GTF2E2: variants seen among roughly 807,000 people sequenced by gnomAD.
The protein encoded by GTF2E2 is transcription initiation factor IIE subunit beta.
A neutral mutation model predicts 40.5 loss-of-function variants in GTF2E2; 21 were observed. The observed-to-expected ratio is 0.52, with a 90% CI of 0.37 to 0.75. The LOEUF (loss-of-function observed/expected upper bound fraction) is 0.75, where lower values mean the gene tolerates loss of function less well. Among genes scored for constraint, GTF2E2 ranks in the 30% least tolerant of loss-of-function variants. The probability of loss-of-function intolerance (pLI) is 0.00; values close to 1 mark genes in which losing one functional copy is unlikely to be tolerated. For synonymous variants in GTF2E2, 117 were observed against 121.6 expected, an observed-to-expected ratio of 0.96 and a Z score of 0.25; for missense variants, 298 against 338.4, an observed-to-expected ratio of 0.88 and a Z score of 0.94.
At chr8:30,613,370 T>A (rs944650205) in intron 4 of GTF2E2, among the ~76,000 whole-genome samples, 22 of 152,228 alleles carry the variant, frequency 1.4e-4, no homozygotes, top group African/African-American at 5.3e-4. Flanking sequence ...AATGCAGGAA[T>A]TACTGAATAT....
intron 2 of GTF2E2, chr8:30,644,504 A>T (rs530888292): frequency 6.6e-6 from 1 of 152,108 alleles, no homozygotes; most frequent in Non-Finnish European, 1.5e-5. Flanking sequence ...ACTATTTCTG[A>T]TTCAGATCAC....
chr8:30,596,414 A>G (rs750009528), intron 6 of GTF2E2, among the ~76,000 whole-genome samples: 5 of 152,034 alleles, frequency 3.3e-5, no homozygotes, highest in Admixed American at 6.6e-5. Flanking sequence ...TTTTTCACCT[A>G]TGTTACTGTC....
At chr8:30,639,918 T>C (rs1006638350) in intron 2 of GTF2E2, among the ~76,000 whole-genome samples, 1 of 151,924 alleles carries the variant, frequency 6.6e-6, no homozygotes, top group Non-Finnish European at 1.5e-5. Context: ...TAGAAACCAT[T>C]TGTGCTTGCT....
intron 3 of GTF2E2, among the ~76,000 whole-genome samples, chr8:30,625,734 G>A (rs1585979325): frequency 6.6e-6 from 1 of 152,148 alleles, no homozygotes; most frequent in South Asian, 2.1e-4. Context: ...GAGTAGCTGG[G>A]ACTACAGCCA....
intron 6 of GTF2E2, among the ~76,000 whole-genome samples, chr8:30,593,119 G>A (rs1387349661): frequency 3.9e-5 from 6 of 152,240 alleles, no homozygotes; most frequent in South Asian, 4.2e-4. Context: ...ACTTGAACCC[G>A]GGAGGAGGTT....
chr8:30,628,785 GC>G (rs1801355886), intron 3 of GTF2E2, among the ~76,000 whole-genome samples: 1 of 152,084 alleles, frequency 6.6e-6, no homozygotes, highest in African/African-American at 2.4e-5. Flanking sequence ...CAAAAAATTA[GC>G]CGGGTGTGGT....
intron 5 of GTF2E2, among the ~76,000 whole-genome samples, chr8:30,610,880 T>C (rs1031766418): frequency 6.6e-6 from 1 of 152,104 alleles, no homozygotes. Flanking sequence ...CAGAGTAAAA[T>C]GGCAACCTAC....
intron 2 of GTF2E2, among the ~76,000 whole-genome samples, chr8:30,644,846 G>A (rs1236772074): frequency 6.6e-6 from 1 of 151,640 alleles, no homozygotes; most frequent in Non-Finnish European, 1.5e-5. Context: ...CGCCTCCCTG[G>A]CTCAAGCAAT....
chr8:30,619,305 G>C (rs1319090078), intron 3 of GTF2E2, among the ~76,000 whole-genome samples: 2 of 151,640 alleles, frequency 1.3e-5, no homozygotes, highest in South Asian at 2.1e-4. Flanking sequence ...AAGTCTTCCA[G>C]ACAAAACCCT....
At chr8:30,634,907 C>T in intron 3 of GTF2E2, 125 bp downstream of exon 3, 1 of 604,872 alleles carries the variant, frequency 1.7e-6, no homozygotes, top group Admixed American at 3.1e-5. Flanking sequence ...ATAAACTGCA[C>T]ATACTGAAAA....
In GTF2E2 at chr8:30,630,621, G is replaced by A. The variant is rs187449184; in HGVS notation, c.258+4411C>T. On this transcript the variant is annotated intron_variant, in intron 3 of 7. Transcript: ENST00000355904. ...TTCTCTTTACCTTCCACCTCCCCCC[G>A]CCATGAAAAAGTAATCTCACCTCCA... Among the ~76,000 whole-genome samples, 210 of 151,570 alleles carry A rather than the reference G, an allele frequency of 1.4e-3. 2 individuals carry two copies. The highest frequency in any genetic ancestry group is 0.012 in the South Asian group (59 of 4,778).
At chr8:30,591,293 C>T (rs939306603) in intron 6 of GTF2E2, among the ~76,000 whole-genome samples, 58 of 152,076 alleles carry the variant, frequency 3.8e-4, no homozygotes, top group African/African-American at 1.4e-3. Flanking sequence ...CAAGGTCAGC[C>T]TGGGCAACAG....
intron 6 of GTF2E2, among the ~76,000 whole-genome samples, chr8:30,599,380 C>T (rs1829105830): frequency 1.3e-5 from 2 of 152,104 alleles, no homozygotes; most frequent in East Asian, 2.0e-4. Context: ...AGTTCAAGAA[C>T]TAGCCTGGCC....
At chr8:30,644,919 T>A (rs1429954785) in intron 2 of GTF2E2, among the ~76,000 whole-genome samples, 1 of 151,682 alleles carries the variant, frequency 6.6e-6, no homozygotes. Context: ...CCTGGCTAAT[T>A]TTTGTATGTT....
At chr8:30,620,281 TACAC>T (rs1468521529) in intron 3 of GTF2E2, among the ~76,000 whole-genome samples, 3 of 146,636 alleles carry the variant, frequency 2.0e-5, no homozygotes, top group Admixed American at 2.0e-4. Context: ...CACGTATACA[TACAC>T]ACATTCATTC....
chr8:30,636,857 TAA>T (rs35494159), intron 2 of GTF2E2: 8,388 of 289,310 alleles, frequency 0.029, no homozygotes, highest in South Asian at 0.045. Context: ...GTCTCAAAAT[TAA>T]AAAAAAAAAA....
chr8:30,606,397 T>C (rs1429994238), intron 6 of GTF2E2, among the ~76,000 whole-genome samples: 6 of 152,222 alleles, frequency 3.9e-5, no homozygotes, highest in Admixed American at 1.3e-4. Context: ...ATTATTTTCC[T>C]GCCATTTTAT....
chr8:30,645,765 G>A, intron 2 of GTF2E2: 1 of 621,924 alleles, frequency 1.6e-6, no homozygotes, highest in South Asian at 2.3e-5. Flanking sequence ...TGTGTGTATA[G>A]CCATTTCATT....
intron 6 of GTF2E2, among the ~76,000 whole-genome samples, chr8:30,589,857 G>A (rs137857177): frequency 6.6e-6 from 1 of 152,272 alleles, no homozygotes; most frequent in Admixed American, 6.5e-5. Flanking sequence ...AAACAAGAAG[G>A]GGAGAAGCCG....
Sources: allele counts gnomAD v4.1 joint callset (sites outside exome capture counted in the v4.1 genomes callset), GRCh38; gene constraint gnomAD v4.1.1; transcripts MANE v1.5; gene names NCBI Gene and HGNC (gene_info 2026-07-23, HGNC 2026-07-21).